The following PABIR2 variants were observed in gnomAD, a reference collection of about 807,000 sequenced individuals.
PABIR2 encodes family with sequence similarity 122B.
In PABIR2, 7 loss-of-function variants were observed where a neutral mutation model predicts 22.8. The observed-to-expected ratio is 0.31, with a 90% CI of 0.17 to 0.58. The LOEUF (loss-of-function observed/expected upper bound fraction) is 0.58, where lower values mean the gene tolerates loss of function less well. Ranked by LOEUF, PABIR2 falls within the 20% of genes least tolerant of loss-of-function variation. PABIR2 has a pLI of 0.89. For synonymous variants in PABIR2, 67 were observed against 73.8 expected (o/e 0.91, Z 0.47); for missense variants, 155 against 205.1 (o/e 0.76, Z 1.49).
chrX:134,785,937 T>C lies in PABIR2; in HGVS notation c.511A>G (p.Ser171Gly). ...CTGGGTCTAATGCACTTGACTGGACTCTGACTTCTCCTGCTTTGATGAAAA... is the reference window on the plus strand; with the variant it reads ...CTGGGTCTAATGCACTTGACTGGACCCTGACTTCTCCTGCTTTGATGAAAA... ...PRRFSSRRSQ[S>G]PVKCIRPSVL... The change falls in exon 8 of 10, where the codon AGT (serine) becomes GGT (glycine). Residue 171 changes from serine to glycine, a missense_variant. Transcript: ENST00000343004. 1 of 1,211,241 alleles carries C rather than the reference T, an allele frequency of 8.3e-7. No homozygotes were observed. The highest frequency in any genetic ancestry group is 1.1e-6 in the Non-Finnish European group (1 of 895,027).
At chrX:134,793,593 A>G (rs1479652861) in intron 2 of PABIR2, 4 of 490,907 alleles carry the variant, frequency 8.1e-6, no homozygotes, top group Non-Finnish European at 1.5e-5. Flanking sequence ...ATAATGAACA[A>G]TTTTAAAAAA....
Position 134,791,520 on chromosome X carries a change from G to C in PABIR2, c.178-1884C>G, listed in dbSNP as rs142320337. 809 of 267,073 alleles carry C rather than the reference G, an allele frequency of 3.0e-3. 5 individuals are homozygous for C. Among genetic ancestry groups the C allele is most frequent in the African/African-American group, 0.019 (657 of 34,727 alleles). 22.0% of individuals were successfully genotyped at this position (267,073 alleles called of 1,213,427 possible). ...CAGTTTGTTTTCCCCCATCAGATGA[G>C]TGAGTCTGGAGAAGGTGGAAAGAAG... On this transcript the variant is annotated intron_variant, in intron 2 of 9. Transcript: ENST00000343004.
At chrX:134,788,641 G>T in intron 6 of PABIR2, 89 bp downstream of exon 6, 1 of 735,824 alleles carries the variant, frequency 1.4e-6, no homozygotes, top group Non-Finnish European at 1.9e-6. Flanking sequence ...CAAGGCATTG[G>T]ATACTTTAAA....
At chrX:134,780,884 A>C (rs1269587764) in intron 9 of PABIR2, among the ~76,000 whole-genome samples, 2 of 112,713 alleles carry the variant, frequency 1.8e-5, no homozygotes, top group Non-Finnish European at 3.7e-5. Context: ...CTAGACCGTA[A>C]GAATCAGGAA....
intron 8 of PABIR2, among the ~76,000 whole-genome samples, chrX:134,784,817 T>A (rs529295440): frequency 9.0e-6 from 1 of 111,124 alleles, no homozygotes; most frequent in Admixed American, 9.7e-5. Context: ...CTAACACTAG[T>A]GTTGACTGAT....
rs1423800230 is a variant in PABIR2, at chrX:134,796,779, C to G, written c.-574G>C. ...GCAGCGGCGGAACTCATGCTGCTAT[C>G]TTTCCGGCTGAGGACCACAAGCGGG... On this transcript the variant is annotated 5_prime_UTR_variant, in exon 1 of 10. Coordinates refer to ENST00000343004, the MANE Select transcript of PABIR2 (RefSeq NM_001387468.1). The G allele has an allele frequency of 1.8e-5, 2 of 112,881 alleles. No homozygotes were observed. The highest frequency in any genetic ancestry group is 6.5e-5 in the African/African-American group (2 of 30,718). The allele number at this position is 112,881 out of a possible 1,213,427, so 9.3% of individuals were successfully genotyped here.
intron 8 of PABIR2, among the ~76,000 whole-genome samples, chrX:134,783,728 TA>T (rs769996686): frequency 3.7e-4 from 32 of 87,277 alleles, no homozygotes; most frequent in East Asian, 1.1e-3. Flanking sequence ...CCGTCTCAAT[TA>T]AAAAAAAAAA....
intron 7 of PABIR2, among the ~76,000 whole-genome samples, chrX:134,787,163 G>A (rs2079351575): frequency 9.6e-6 from 1 of 103,854 alleles, no homozygotes; most frequent in African/African-American, 3.5e-5. Flanking sequence ...ATAATGGTGC[G>A]ATCTCAGCTC....
Position 134,788,740 on chromosome X carries a change from C to T in PABIR2, c.425G>A (p.Gly142Glu), listed in dbSNP as rs2079456525. The change falls in exon 6 of 10, where the codon GGA becomes GAA. Residue 142 changes from glycine (G) to glutamate (E), a missense_variant. Physicochemically the swap from Gly to Glu is moderately conservative, Grantham distance 98. Coordinates refer to ENST00000343004, the MANE Select transcript of PABIR2 (RefSeq NM_001387468.1). The stretch of plus-strand genomic sequence containing the variant: ...TGTCAGTTATCCTACCTTTCCGAAT[C>T]CCCTGGTGGGTGAAGGTGCTGGAGA... Reference protein sequence around the residue: ...PVSPAPSPTRGFGKMFVSSSG... With the variant: ...PVSPAPSPTREFGKMFVSSSG... 8.3e-7 allele frequency: 1 copy of T among 1,202,979 alleles called. No individual in the cohort carries two copies. Among genetic ancestry groups the T allele is most frequent in the Non-Finnish European group, 1.1e-6 (1 of 891,364 alleles).
Position 134,771,231 on chromosome X carries a change from A to G in PABIR2, c.*908T>C, listed in dbSNP as rs2147864249. ...ACCTGAGGCCTCATAATACCACTCG[A>G]GACACTGACAGCTCCATGGACGCTT... On this transcript the variant is annotated 3_prime_UTR_variant, in exon 10 of 10. Transcript: ENST00000343004. 9.1e-7 allele frequency: 1 copy of G among 1,098,896 alleles called. No homozygotes were observed. Among genetic ancestry groups the G allele is most frequent in the East Asian group, 3.4e-5 (1 of 29,345 alleles). The allele number at this position is 1,098,896 out of a possible 1,213,427, so 90.6% of individuals were successfully genotyped here. A position where few individuals can be genotyped will look rare whatever the true frequency, so the allele number is the denominator to read the frequency against.
intron 2 of PABIR2, 34 bp downstream of exon 2, chrX:134,793,781 C>G (rs769190123): frequency 8.6e-7 from 1 of 1,168,345 alleles, no homozygotes; most frequent in East Asian, 3.0e-5. Context: ...TTTCCCCAAT[C>G]TAAATCACTT....
At chrX:134,777,590 A>C (rs934692452) in intron 9 of PABIR2, among the ~76,000 whole-genome samples, 2 of 107,802 alleles carry the variant, frequency 1.9e-5, no homozygotes, top group African/African-American at 3.4e-5. Context: ...TAATCCCAGC[A>C]CTTTGGGAGG....
rs2079358537 is a variant in PABIR2, at chrX:134,787,326, T to C, written c.497+146A>G. ...TGTTGGCCAAGCTGGTCTTGAACTC[T>C]TGACCTCAGGTAATCCACCAGCCTC... On this transcript the variant is annotated intron_variant, in intron 7 of 9. Coordinates refer to ENST00000343004, the MANE Select transcript of PABIR2 (RefSeq NM_001387468.1). The C allele has an allele frequency of 8.2e-6, 4 of 486,526 alleles. No homozygotes were observed. In the East Asian group the frequency reaches 1.2e-4, roughly 14 times the overall value. The allele number at this position is 486,526 out of a possible 1,213,427, so 40.1% of individuals were successfully genotyped here.
intron 2 of PABIR2, among the ~76,000 whole-genome samples, chrX:134,791,252 G>A (rs953342310): frequency 3.6e-5 from 4 of 110,934 alleles, no homozygotes; most frequent in Non-Finnish European, 1.9e-5. Context: ...CTGGCTAATG[G>A]GGTTAAATAA....
rs180892441 is a variant in PABIR2 at position 134,779,472 on chromosome X, C to T, written c.659+2349G>A. 4.5e-5 allele frequency among the ~76,000 whole-genome samples: 5 copies of T among 111,523 alleles called. No individual in the cohort carries two copies. In the East Asian group the frequency reaches 8.6e-4, roughly 19 times the overall value. On this transcript the variant is annotated intron_variant, in intron 9 of 9. Coordinates refer to ENST00000343004, the MANE Select transcript of PABIR2 (RefSeq NM_001387468.1). ...AAGTTTCCTTCATCACCAATGTTGA[C>T]GTTCCCAGGGCTCTCCTAGACATTC... is the stretch of plus-strand genomic sequence containing the variant.
Position 134,771,647 on chromosome X carries a change from T to C in PABIR2, c.*492A>G. ...TGTACTTGAAGCTGATGCAGAAAAA[T>C]AAAAATTTAATATAATTAAAAGCAA... On this transcript the variant is annotated 3_prime_UTR_variant, in exon 10 of 10. Coordinates refer to ENST00000343004, the MANE Select transcript of PABIR2 (RefSeq NM_001387468.1). 2.5e-6 allele frequency: 2 copies of C among 809,424 alleles called. No individual in the cohort carries two copies. The highest frequency in any genetic ancestry group is 3.0e-6 in the Non-Finnish European group (2 of 672,024). The allele number at this position is 809,424 out of a possible 1,213,427, so 66.7% of individuals were successfully genotyped here. A position where few individuals can be genotyped will look rare whatever the true frequency, so the allele number is the denominator to read the frequency against.
At chrX:134,786,808 G>A (rs185507677) in intron 7 of PABIR2, among the ~76,000 whole-genome samples, 196 of 108,744 alleles carry the variant, frequency 1.8e-3, no homozygotes, top group East Asian at 5.4e-3. Context: ...AAAATTAGCC[G>A]AGGGTGGTGG....
At chrX:134,782,331 T>C (rs2079178570) in intron 8 of PABIR2, among the ~76,000 whole-genome samples, 1 of 112,332 alleles carries the variant, frequency 8.9e-6, no homozygotes, top group South Asian at 3.7e-4. Flanking sequence ...TGAGATGGTG[T>C]CAAACTGGTT....
At chrX:134,793,952 A>G (rs1377866468) in intron 1 of PABIR2, 59 bp from the exon 2 acceptor site, 1 of 1,173,065 alleles carries the variant, frequency 8.5e-7, no homozygotes, top group African/African-American at 1.8e-5. Context: ...TTTCTAATGG[A>G]AGATCTCTTT....
Sources: allele counts gnomAD v4.1 joint callset (sites outside exome capture counted in the v4.1 genomes callset), GRCh38; gene constraint gnomAD v4.1.1; transcripts MANE v1.5; gene names NCBI Gene and HGNC (gene_info 2026-07-23, HGNC 2026-07-21).